CABIN1: variants seen among roughly 807,000 people sequenced by gnomAD.
CABIN1 encodes calcineurin-binding protein cabin-1.
CABIN1 carries 133 observed loss-of-function variants against 227.7 expected under a neutral mutation model. That is an observed-to-expected ratio of 0.58 (90% CI 0.51 to 0.67). The LOEUF (loss-of-function observed/expected upper bound fraction) is 0.67. Ranked by LOEUF, CABIN1 falls within the 30% of genes least tolerant of loss-of-function variation. The pLI, the probability that CABIN1 is intolerant of heterozygous loss-of-function variation, is 0.00. For synonymous variants in CABIN1, 1,086 were observed against 1,155.1 expected, an observed-to-expected ratio of 0.94 and a Z score of 1.21; for missense variants, 2,408 against 2,852.5, an observed-to-expected ratio of 0.84 and a Z score of 3.55.
chr22:24,091,545 A>G, intron 23 of CABIN1, 38 bp from the exon 24 acceptor site: 1 of 1,613,800 alleles, frequency 6.2e-7, no homozygotes, highest in South Asian at 1.1e-5. Context: ...GGGCAGGTTC[A>G]GGCGTAAGGC....
intron 29 of CABIN1, among the ~76,000 whole-genome samples, chr22:24,137,542 G>T (rs1177068272): frequency 6.6e-6 from 1 of 152,204 alleles, no homozygotes; most frequent in Non-Finnish European, 1.5e-5. Flanking sequence ...GCCCAGACTG[G>T]GTGTTTTGGT....
At chr22:24,092,776 C>G (rs2041634480) in intron 24 of CABIN1, among the ~76,000 whole-genome samples, 1 of 151,196 alleles carries the variant, frequency 6.6e-6, no homozygotes, top group African/African-American at 2.4e-5. Context: ...TGTGAAGGCC[C>G]CTAGTGATTC....
Position 24,056,253 on chromosome 22 carries a change from G to C in CABIN1, c.1155G>C (p.Glu385Asp). Residue 385 changes from glutamate (E) to aspartate (D), a missense_variant, in exon 10 of 37, where the codon GAG (glutamate) becomes GAC (aspartate). By Grantham distance (45) the Glu-to-Asp change is conservative. Around this residue, in one of 3 missense-constraint regions of CABIN1, gnomAD observed 1,045 missense variants for 1,168.4 expected, o/e 0.89. Transcript: ENST00000263119. ...KGVKRKKISEESGETAKRRSA... is the reference protein window; with the variant it reads ...KGVKRKKISEDSGETAKRRSA... ...TAAAACGGAAGAAGATTTCAGAAGAGAGTGGAGAAACAGCAAAGCGGCGGT... is the reference window on the plus strand; with the variant it reads ...TAAAACGGAAGAAGATTTCAGAAGACAGTGGAGAAACAGCAAAGCGGCGGT... The C allele has an allele frequency of 6.2e-7, 1 of 1,614,082 alleles. No homozygotes were observed. The highest frequency in any genetic ancestry group is 8.5e-7 in the Non-Finnish European group (1 of 1,179,968).
chr22:24,135,128 C>T (rs769211343), intron 29 of CABIN1, among the ~76,000 whole-genome samples: 34 of 151,094 alleles, frequency 2.3e-4, no homozygotes, highest in Admixed American at 1.8e-3. Flanking sequence ...CAGTGGCTCA[C>T]GCCTGTAATC....
intron 29 of CABIN1, among the ~76,000 whole-genome samples, chr22:24,154,611 C>A (rs1312488495): frequency 6.6e-6 from 1 of 152,192 alleles, no homozygotes; most frequent in Non-Finnish European, 1.5e-5. Flanking sequence ...CTCTAGGTAA[C>A]CCAGCCTCCT....
intron 28 of CABIN1, among the ~76,000 whole-genome samples, chr22:24,130,944 C>T (rs967151182): frequency 6.6e-6 from 1 of 152,226 alleles, no homozygotes; most frequent in African/African-American, 2.4e-5. Flanking sequence ...AAACCTCTCC[C>T]ACTGCCTTCT....
intron 11 of CABIN1, among the ~76,000 whole-genome samples, chr22:24,059,679 G>C (rs1021902374): frequency 2.0e-5 from 3 of 152,218 alleles, no homozygotes; most frequent in African/African-American, 7.2e-5. Flanking sequence ...GGCAGCACTT[G>C]GAGGTCTGCC....
chr22:24,029,620 A>G (rs1007659033), intron 1 of CABIN1, among the ~76,000 whole-genome samples: 3 of 152,138 alleles, frequency 2.0e-5, no homozygotes, highest in Non-Finnish European at 2.9e-5. Context: ...AAGCCCCCAC[A>G]GTCTTCCCAA....
chr22:24,178,187 G>A lies in CABIN1; in HGVS notation c.6654G>A (p.Met2218Ile), dbSNP rs1021998788. Reference protein sequence around the residue: ...ESETDEDDDYMDI With the variant: ...ESETDEDDDYIDI ...AGACAGACGAGGACGACGACTACAT[G>A]GACATTTGAGGGGCCACTGCAGCCC... Residue 2218 changes from methionine to isoleucine, a missense_variant, in exon 37 of 37, where the codon ATG becomes ATA. Physicochemically the swap from Met to Ile is conservative, Grantham distance 10 (BLOSUM62 1). Transcript: ENST00000263119. 1.2e-5 allele frequency: 20 copies of A among 1,612,988 alleles called. No homozygotes were observed. The highest frequency in any genetic ancestry group is 1.6e-5 in the Non-Finnish European group (19 of 1,179,940).
chr22:24,056,139 A>AT (rs1274759581), intron 9 of CABIN1, 53 bp from the exon 10 acceptor site: 5 of 1,521,298 alleles, frequency 3.3e-6, no homozygotes, highest in South Asian at 2.2e-5. Flanking sequence ...TGTGTGGTGC[A>AT]TTTTTTTCAT....
intron 29 of CABIN1, among the ~76,000 whole-genome samples, chr22:24,145,400 G>A (rs903799818): frequency 2.0e-5 from 3 of 152,180 alleles, no homozygotes; most frequent in Non-Finnish European, 4.4e-5. Context: ...TAATTCATGA[G>A]ATGTAGGTAG....
chr22:24,125,797 A>G (rs914455607), intron 28 of CABIN1, among the ~76,000 whole-genome samples: 1 of 152,210 alleles, frequency 6.6e-6, no homozygotes, highest in Non-Finnish European at 1.5e-5. Flanking sequence ...TTTAGTTTGT[A>G]TAGTTTGCAA....
rs1017310910 is a variant in CABIN1 at position 24,054,811 on chromosome 22, A to T, written c.807-62A>T. On this transcript the variant is annotated intron_variant, in intron 8 of 36. Coordinates refer to ENST00000263119, the MANE Select transcript of CABIN1 (RefSeq NM_012295.4). Reference sequence around the variant, plus strand: ...CCTCTGTGCAGGCAGGCCATTTTCCACTATGCTTGGAGTATTCCTCTGACA... The same window carrying T: ...CCTCTGTGCAGGCAGGCCATTTTCCTCTATGCTTGGAGTATTCCTCTGACA... 1.5e-5 allele frequency: 24 copies of T among 1,609,698 alleles called. No homozygotes were observed. The African/African-American group carries it at 2.7e-4, about 18-fold the overall frequency.
intron 6 of CABIN1, among the ~76,000 whole-genome samples, chr22:24,048,298 G>A (rs573795267): frequency 3.9e-4 from 60 of 152,208 alleles, no homozygotes; most frequent in African/African-American, 1.2e-3. Flanking sequence ...CTGTATCTTG[G>A]CCTTCTTTCT....
chr22:24,040,933 C>T (rs1423186332), intron 4 of CABIN1, among the ~76,000 whole-genome samples: 2 of 152,200 alleles, frequency 1.3e-5, no homozygotes, highest in African/African-American at 4.8e-5. Context: ...ATTAATACCT[C>T]AGGGTGGTCT....
intron 7 of CABIN1, among the ~76,000 whole-genome samples, 176 bp from the exon 8 acceptor site, chr22:24,050,649 G>C (rs1313257309): frequency 6.6e-6 from 1 of 152,098 alleles, no homozygotes; most frequent in Non-Finnish European, 1.5e-5. Flanking sequence ...AGTGTATGTG[G>C]GTATTAAGAA....
chr22:24,137,202 T>C (rs572038153), intron 29 of CABIN1, among the ~76,000 whole-genome samples: 1 of 152,328 alleles, frequency 6.6e-6, no homozygotes, highest in Admixed American at 6.5e-5. Flanking sequence ...TGTGCAGTGA[T>C]ATTGGAAGGA....
At chr22:24,111,883 G>T (rs2042827174) in intron 26 of CABIN1, among the ~76,000 whole-genome samples, 1 of 152,184 alleles carries the variant, frequency 6.6e-6, no homozygotes. Context: ...CAATGTCTGG[G>T]AAAGGCATTC....
chr22:24,106,446 A>G (rs906815435), intron 26 of CABIN1, among the ~76,000 whole-genome samples: 3 of 152,152 alleles, frequency 2.0e-5, no homozygotes, highest in Non-Finnish European at 4.4e-5. Context: ...GTTACACACC[A>G]CAGTCCAAAC....
Sources: gnomAD v4.1 joint callset for allele counts (sites outside exome capture counted in the v4.1 genomes callset) on GRCh38, gnomAD v4.1.1 for gene constraint, gnomAD v4.1.1 regional missense constraint, MANE v1.5 for transcripts, NCBI Gene and HGNC (gene_info 2026-07-23, HGNC 2026-07-21) for gene names.